The following MIGA1 variants were observed in gnomAD, a reference collection of about 807,000 sequenced individuals.
MIGA1 encodes family with sequence similarity 73, member A.
MIGA1 carries 58 observed loss-of-function variants against 82.0 expected under a neutral mutation model. The ratio of observed to expected loss-of-function variants is 0.71; its 90% CI spans 0.57 to 0.88. MIGA1 has a LOEUF of 0.88. Among genes scored for constraint, MIGA1 ranks in the 40% least tolerant of loss-of-function variants. The probability of loss-of-function intolerance (pLI) is 0.00; values close to 1 mark genes in which losing one functional copy is unlikely to be tolerated. For synonymous variants in MIGA1, 249 were observed against 253.6 expected, an observed-to-expected ratio of 0.98 and a Z score of 0.17; for missense variants, 751 against 749.1, an observed-to-expected ratio of 1.00 and a Z score of -0.03.
chr1:77,871,055 C>T (rs938876914), intron 14 of MIGA1, among the ~76,000 whole-genome samples: 202 of 128,062 alleles, frequency 1.6e-3, no homozygotes, highest in African/African-American at 5.4e-3. Context: ...AGCTTTGGCT[C>T]GGCATCAGAG....
At chr1:77,822,607 A>C (rs568174560) in intron 7 of MIGA1, among the ~76,000 whole-genome samples, 69 of 152,330 alleles carry the variant, frequency 4.5e-4, no homozygotes, top group Middle Eastern at 3.4e-3. Flanking sequence ...TCAAATGTTC[A>C]TAGCTGGTTC....
chr1:77,828,716 AG>A (rs1176071687), intron 7 of MIGA1, among the ~76,000 whole-genome samples: 1 of 152,208 alleles, frequency 6.6e-6, no homozygotes, highest in African/African-American at 2.4e-5. Flanking sequence ...TCTGTCACCC[AG>A]GCTGGAGTGC....
At chr1:77,873,209 G>A (rs982817778) in intron 15 of MIGA1, 89 bp downstream of exon 15, 3 of 1,261,872 alleles carry the variant, frequency 2.4e-6, no homozygotes, top group Admixed American at 2.3e-5. Context: ...TTTTGTAGAA[G>A]AACAAATGTT....
intron 5 of MIGA1, among the ~76,000 whole-genome samples, chr1:77,809,677 G>C (rs1354960436): frequency 6.6e-6 from 1 of 151,898 alleles, no homozygotes; most frequent in East Asian, 1.9e-4. Flanking sequence ...TGTGAGAAAA[G>C]GATGAAGAAA....
chr1:77,854,655 A>T (rs1685177886), intron 8 of MIGA1, among the ~76,000 whole-genome samples: 1 of 152,006 alleles, frequency 6.6e-6, no homozygotes, highest in South Asian at 2.1e-4. Context: ...GATCATAGTG[A>T]TGTTGAGCAT....
intron 14 of MIGA1, among the ~76,000 whole-genome samples, chr1:77,867,324 A>G (rs1452054675): frequency 6.6e-6 from 1 of 151,926 alleles, no homozygotes; most frequent in East Asian, 1.9e-4. Context: ...TCTACCTCAT[A>G]GTGTTTTGTT....
chr1:77,822,729 A>G (rs143772330), intron 7 of MIGA1, among the ~76,000 whole-genome samples: 1 of 152,298 alleles, frequency 6.6e-6, no homozygotes, highest in African/African-American at 2.4e-5. Flanking sequence ...CAAAATTTAA[A>G]TAAGGATTCT....
chr1:77,783,173 C>T, intron 1 of MIGA1, 65 bp from the exon 2 acceptor site: 1 of 1,105,222 alleles, frequency 9.0e-7, no homozygotes, highest in Non-Finnish European at 1.3e-6. Flanking sequence ...TCAGTTTGTA[C>T]CTTTCATTGG....
At position 77,838,325 on chromosome 1, in the gene MIGA1, C is replaced by CTTAT. The variant is rs376304871; in HGVS notation, c.896-4960_896-4957dup. Among the ~76,000 whole-genome samples, 339 of 151,608 alleles carry CTTAT rather than the reference C, an allele frequency of 2.2e-3. 2 individuals are homozygous for CTTAT. The highest frequency in any genetic ancestry group is 6.8e-3 in the Middle Eastern group (2 of 292). ...GATGCTCAGGCTAATTACCTTTTAG[C>CTTAT]TTATTTATTTATTTATTTATTTATT... is the stretch of plus-strand genomic sequence containing the variant. On this transcript the variant is annotated intron_variant, in intron 7 of 15. Transcript: ENST00000370791.
At chr1:77,792,553 G>C (rs1159928503) in intron 2 of MIGA1, among the ~76,000 whole-genome samples, 1 of 152,190 alleles carries the variant, frequency 6.6e-6, no homozygotes. Flanking sequence ...TACATCTTAA[G>C]ACTAGAGAAA....
chr1:77,835,150 T>C (rs1233691665), intron 7 of MIGA1, among the ~76,000 whole-genome samples: 1 of 152,188 alleles, frequency 6.6e-6, no homozygotes, highest in Non-Finnish European at 1.5e-5. Context: ...GGCCTGAAAT[T>C]CCAAGTTCCA....
intron 4 of MIGA1, among the ~76,000 whole-genome samples, chr1:77,806,632 A>G (rs60794893): frequency 0.066 from 9,983 of 152,326 alleles, 410 homozygotes; most frequent in East Asian, 0.21. Flanking sequence ...ATTCTAAAAG[A>G]AAAATAAGCT....
intron 2 of MIGA1, among the ~76,000 whole-genome samples, chr1:77,784,641 C>T (rs553704588): frequency 6.6e-6 from 1 of 152,370 alleles, no homozygotes; most frequent in Admixed American, 6.5e-5. Flanking sequence ...TCCACATCCT[C>T]ATCAATGCTT....
intron 5 of MIGA1, among the ~76,000 whole-genome samples, chr1:77,813,122 C>CA (rs1199165226): frequency 3.3e-5 from 5 of 152,092 alleles, no homozygotes; most frequent in Admixed American, 6.6e-5. Flanking sequence ...GCCATGATTA[C>CA]AGGCACGTAT....
rs1365564790 is a variant in MIGA1, at chr1:77,817,954, GA to G, written c.895+2724del. 1.3e-3 allele frequency among the ~76,000 whole-genome samples: 157 copies of G among 121,768 alleles called. 1 individual carries two copies. Among genetic ancestry groups the G allele is most frequent in the African/African-American group, 4.7e-3 (150 of 32,076 alleles). The allele number at this position is 121,768 out of a possible 152,430, so 79.9% of individuals were successfully genotyped here. Reference sequence around the variant, plus strand: ...ATCTGGTAGGATTTCAAGATTGGAAGATTTTTTTTTTTTTTTTTTTTGCAGC... The same window carrying G: ...ATCTGGTAGGATTTCAAGATTGGAAGTTTTTTTTTTTTTTTTTTTTGCAGC... On this transcript the variant is annotated intron_variant, in intron 7 of 15. Coordinates refer to ENST00000370791, the MANE Select transcript of MIGA1 (RefSeq NM_198549.4).
At chr1:77,866,137 C>T (rs1462801543) in intron 13 of MIGA1, among the ~76,000 whole-genome samples, 1 of 151,940 alleles carries the variant, frequency 6.6e-6, no homozygotes, top group East Asian at 1.9e-4. Flanking sequence ...GGATGGTCTC[C>T]ATCTCTTGAC....
intron 14 of MIGA1, 39 bp from the exon 15 acceptor site, chr1:77,872,965 A>G: frequency 6.2e-7 from 1 of 1,610,828 alleles, no homozygotes; most frequent in Non-Finnish European, 8.5e-7. Flanking sequence ...AAGTAACAAG[A>G]AGGTAGAAGT....
At chr1:77,846,390 G>A (rs1159976858) in intron 8 of MIGA1, among the ~76,000 whole-genome samples, 2 of 152,036 alleles carry the variant, frequency 1.3e-5, no homozygotes, top group East Asian at 3.9e-4. Context: ...ATTGCAGAGA[G>A]CAGTTTTTAG....
intron 14 of MIGA1, among the ~76,000 whole-genome samples, chr1:77,867,475 A>G (rs1294335135): frequency 6.6e-6 from 1 of 152,134 alleles, no homozygotes; most frequent in Non-Finnish European, 1.5e-5. Context: ...CTACAGGTGC[A>G]CACCACCATG....
Sources: allele counts gnomAD v4.1 joint callset (sites outside exome capture counted in the v4.1 genomes callset), GRCh38; gene constraint gnomAD v4.1.1; transcripts MANE v1.5; gene names NCBI Gene and HGNC (gene_info 2026-07-23, HGNC 2026-07-21).